YPEL2: variants seen among roughly 807,000 people sequenced by gnomAD.
YPEL2 encodes the protein protein yippee-like 2.
Under a neutral mutation model 19.1 loss-of-function variants are expected in YPEL2, and 2 were observed. The observed-to-expected ratio is 0.10, with a 90% CI of 0.04 to 0.33. The LOEUF is 0.33. YPEL2 is among the 10% of genes least tolerant of loss of function. The probability of loss-of-function intolerance (pLI) is 1.00; values close to 1 mark genes in which losing one functional copy is unlikely to be tolerated. For synonymous variants in YPEL2, 52 were observed against 50.0 expected (o/e 1.04, Z -0.17); for missense variants, 66 against 140.7 (o/e 0.47, Z 2.68).
intron 2 of YPEL2, among the ~76,000 whole-genome samples, chr17:59,357,063 G>T (rs2047816519): frequency 6.6e-6 from 1 of 152,208 alleles, no homozygotes; most frequent in Non-Finnish European, 1.5e-5. Flanking sequence ...GAGTGGGCAT[G>T]CCTCACTGGG....
intron 1 of YPEL2, among the ~76,000 whole-genome samples, chr17:59,350,927 C>T (rs566975972): frequency 9.2e-5 from 14 of 152,146 alleles, no homozygotes; most frequent in Non-Finnish European, 1.6e-4. Context: ...TGCTCCCCAG[C>T]GGGCAGCTAA....
chr17:59,346,898 G>A (rs902278451), intron 1 of YPEL2, among the ~76,000 whole-genome samples: 6 of 152,260 alleles, frequency 3.9e-5, no homozygotes, highest in East Asian at 1.9e-4. Flanking sequence ...CCATGGAAGC[G>A]TAAAGTGCAA....
intron 2 of YPEL2, among the ~76,000 whole-genome samples, chr17:59,370,782 G>A (rs954081445): frequency 5.3e-5 from 8 of 151,740 alleles, no homozygotes; most frequent in African/African-American, 1.9e-4. Flanking sequence ...CTCAGCAGGG[G>A]CAGAGAGTTA....
intron 2 of YPEL2, among the ~76,000 whole-genome samples, chr17:59,384,533 CCT>C (rs1427667403): frequency 1.3e-5 from 2 of 152,198 alleles, no homozygotes. Flanking sequence ...ACCTTTGTCA[CCT>C]CTAACCCCCA....
chr17:59,336,646 C>A (rs1448962219), intron 1 of YPEL2, among the ~76,000 whole-genome samples: 1 of 152,156 alleles, frequency 6.6e-6, no homozygotes, highest in Admixed American at 6.6e-5. Flanking sequence ...CAGAGCCTGG[C>A]ACCTAAGCAC....
At position 59,332,660 on chromosome 17, in the gene YPEL2, T is replaced by C. The variant is rs559290890; in HGVS notation, c.-196+836T>C. On this transcript the variant is annotated intron_variant, in intron 1 of 4. Transcript: ENST00000312655. ...GACACCTGTTCTTCTGGACTTCTTGTCCGGAAGATTGCTACCTCTGCCTTC... is the reference window on the plus strand; with the variant it reads ...GACACCTGTTCTTCTGGACTTCTTGCCCGGAAGATTGCTACCTCTGCCTTC... Among the ~76,000 whole-genome samples, 5 of 152,292 alleles carry C rather than the reference T, an allele frequency of 3.3e-5. No homozygotes were observed. The East Asian group carries it at 9.7e-4, about 29-fold the overall frequency.
intron 1 of YPEL2, among the ~76,000 whole-genome samples, chr17:59,349,818 G>A (rs2033466410): frequency 1.3e-5 from 2 of 152,088 alleles, no homozygotes; most frequent in Non-Finnish European, 1.5e-5. Context: ...ACGCCACCAT[G>A]CCCGGCTAAT....
chr17:59,390,752 C>T (rs1342294838), intron 4 of YPEL2, among the ~76,000 whole-genome samples: 1 of 152,180 alleles, frequency 6.6e-6, no homozygotes, highest in Non-Finnish European at 1.5e-5. Flanking sequence ...GCGCTGGGGT[C>T]ACCACATAAC....
intron 4 of YPEL2, among the ~76,000 whole-genome samples, chr17:59,389,775 A>G (rs1400102205): frequency 6.6e-6 from 1 of 152,000 alleles, no homozygotes; most frequent in African/African-American, 2.4e-5. Flanking sequence ...TAGAGGTTAG[A>G]TGCTATCTTC....
At chr17:59,356,149 C>G (rs927233952) in intron 2 of YPEL2, 4 of 152,138 alleles carry the variant, frequency 2.6e-5, no homozygotes, top group African/African-American at 7.2e-5. Context: ...CTGTTCTCCT[C>G]TCTTGACTTA....
chr17:59,341,216 T>C (rs2047728250), intron 1 of YPEL2, among the ~76,000 whole-genome samples: 1 of 150,894 alleles, frequency 6.6e-6, no homozygotes, highest in East Asian at 2.0e-4. Context: ...CAAGGTGAAA[T>C]CCCATCTCTA....
intron 2 of YPEL2, among the ~76,000 whole-genome samples, chr17:59,374,220 C>T (rs1381394382): frequency 6.6e-6 from 1 of 152,140 alleles, no homozygotes; most frequent in Admixed American, 6.5e-5. Flanking sequence ...CAGTTATGTT[C>T]CATTTCTAGA....
At chr17:59,340,452 G>T (rs2047723173) in intron 1 of YPEL2, among the ~76,000 whole-genome samples, 1 of 148,378 alleles carries the variant, frequency 6.7e-6, no homozygotes, top group Admixed American at 6.8e-5. Flanking sequence ...GTCTTGCTCT[G>T]TCGCCCAGGC....
chr17:59,349,215 A>G (rs1207256532), intron 1 of YPEL2, among the ~76,000 whole-genome samples: 1 of 151,430 alleles, frequency 6.6e-6, no homozygotes, highest in African/African-American at 2.4e-5. Flanking sequence ...TTCTTTCCTA[A>G]GAATTGACTC....
intron 3 of YPEL2, chr17:59,388,869 T>G: frequency 5.3e-6 from 1 of 188,666 alleles, no homozygotes; most frequent in Non-Finnish European, 1.1e-5. Flanking sequence ...ACTGTAAAAA[T>G]GAAAATCTGG....
chr17:59,367,032 C>T (rs1012216246), intron 2 of YPEL2, among the ~76,000 whole-genome samples: 1 of 152,234 alleles, frequency 6.6e-6, no homozygotes, highest in Non-Finnish European at 1.5e-5. Flanking sequence ...TCTGACAAAT[C>T]TAGGTCACCC....
intron 1 of YPEL2, among the ~76,000 whole-genome samples, chr17:59,348,883 C>T (rs931525597): frequency 1.3e-5 from 2 of 152,122 alleles, no homozygotes; most frequent in South Asian, 4.1e-4. Context: ...TTAATTTCTT[C>T]CTTTAAAAAA....
intron 2 of YPEL2, among the ~76,000 whole-genome samples, chr17:59,386,637 GTGT>G (rs2047981607): frequency 6.6e-6 from 1 of 152,154 alleles, no homozygotes; most frequent in Non-Finnish European, 1.5e-5. Context: ...CCCTGGAGTG[GTGT>G]TTGTGCTCCA....
chr17:59,340,194 AC>A (rs951875337), intron 1 of YPEL2, among the ~76,000 whole-genome samples: 1 of 143,758 alleles, frequency 7.0e-6, no homozygotes, highest in Non-Finnish European at 1.5e-5. Flanking sequence ...TGCAATCTCC[AC>A]CCCCCCAGGT....
Sources: gnomAD v4.1 joint callset for allele counts (sites outside exome capture counted in the v4.1 genomes callset) on GRCh38, gnomAD v4.1.1 for gene constraint, MANE v1.5 for transcripts, NCBI Gene and HGNC (gene_info 2026-07-23, HGNC 2026-07-21) for gene names.